The following BEAN1 variants were observed in gnomAD, a reference collection of about 807,000 sequenced individuals.
BEAN1 encodes the protein protein BEAN1.
In BEAN1, 17 loss-of-function variants were observed where a neutral mutation model predicts 17.7. The ratio of observed to expected loss-of-function variants is 0.96; its 90% CI spans 0.66 to 1.44. The LOEUF (loss-of-function observed/expected upper bound fraction) is 1.44. Among genes scored for constraint, BEAN1 ranks in the 40% most tolerant of loss-of-function variants. The probability of loss-of-function intolerance (pLI) is 0.00; values close to 1 mark genes in which losing one functional copy is unlikely to be tolerated. For missense variants in BEAN1, 359 were observed against 374.1 expected (o/e 0.96, Z 0.33); for synonymous variants, 142 against 151.8 (o/e 0.94, Z 0.47).
At chr16:66,456,503 C>T (rs986916012) in intron 2 of BEAN1, among the ~76,000 whole-genome samples, 1 of 152,248 alleles carries the variant, frequency 6.6e-6, no homozygotes, top group South Asian at 2.1e-4. Flanking sequence ...AGCCTCTGGG[C>T]TCTTTGTGGA....
Position 66,469,654 on chromosome 16 carries a change from G to A in BEAN1, c.78G>A (p.Ser26=), listed in dbSNP as rs1164808413. ...SYFYPTFSES[S]EHSHLLVSPV... is the part of the protein sequence containing the mutation. ...TCTACCCCACATTCTCAGAGAGCTC[G>A]GAGCACAGCCATCTGCTCGTGTCCC... is the stretch of plus-strand genomic sequence containing the variant. Residue 26 remains serine, a synonymous_variant, in exon 3 of 5, where the codon TCG becomes TCA. Coordinates refer to ENST00000536005, the MANE Select transcript of BEAN1 (RefSeq NM_001178020.3). The A allele has an allele frequency of 1.6e-5, 24 of 1,535,956 alleles. No individual in the cohort carries two copies. Among genetic ancestry groups the A allele is most frequent in the Middle Eastern group, 1.7e-4 (1 of 5,988 alleles).
rs903508970 is a variant in BEAN1 at position 66,427,581 on chromosome 16, CCGGAACGGAACCGCAGCGCGCT to C, written c.-83+160_-83+181del. On this transcript the variant is annotated intron_variant, in intron 1 of 4. Coordinates refer to ENST00000536005, the MANE Select transcript of BEAN1 (RefSeq NM_001178020.3). The surrounding 1 kb of genome is among the most constrained non-coding windows in gnomAD (Gnocchi z 4.7). ...TGCGCGGGGCGGGCGGATGCGCGGTCCGGAACGGAACCGCAGCGCGCTCGGAACGGAGCGGGATCCCGGGTCT... is the reference window on the plus strand; with the variant it reads ...TGCGCGGGGCGGGCGGATGCGCGGTCCGGAACGGAGCGGGATCCCGGGTCT... 32 of 152,164 alleles carry C rather than the reference CCGGAACGGAACCGCAGCGCGCT, an allele frequency of 2.1e-4. No homozygotes were observed. Among genetic ancestry groups the C allele is most frequent in the Middle Eastern group, 6.8e-3 (2 of 294 alleles). 9.4% of individuals were successfully genotyped at this position (152,164 alleles called of 1,614,324 possible). A position where few individuals can be genotyped will look rare whatever the true frequency, so the allele number is the denominator to read the frequency against.
chr16:66,437,772 A>G (rs1400424041), intron 2 of BEAN1, 71 bp downstream of exon 2: 1 of 1,482,766 alleles, frequency 6.7e-7, no homozygotes, highest in Admixed American at 2.0e-5. Context: ...CGAGCTGCAG[A>G]GAACGGCTTG....
chr16:66,454,135 A>G (rs1962781050), intron 2 of BEAN1, among the ~76,000 whole-genome samples: 1 of 152,204 alleles, frequency 6.6e-6, no homozygotes, highest in South Asian at 2.1e-4. Flanking sequence ...AAATCTTTTT[A>G]AATCTATTGA....
chr16:66,429,498 T>C (rs953157796), intron 1 of BEAN1, among the ~76,000 whole-genome samples: 6 of 152,056 alleles, frequency 3.9e-5, no homozygotes, highest in African/African-American at 1.4e-4. Context: ...AAAGCAGTGG[T>C]CCAGTTCACA....
chr16:66,468,588 G>A (rs147158448), intron 2 of BEAN1, among the ~76,000 whole-genome samples: 369 of 152,320 alleles, frequency 2.4e-3, no homozygotes, highest in African/African-American at 5.8e-3. Flanking sequence ...TAGCTCTGCC[G>A]TGGAGTAACT....
chr16:66,475,768 T>C (rs1293796460), intron 3 of BEAN1: 1 of 152,174 alleles, frequency 6.6e-6, no homozygotes, highest in African/African-American at 2.4e-5. Context: ...TAATGTGTGT[T>C]CATTATAGAA....
intron 2 of BEAN1, among the ~76,000 whole-genome samples, chr16:66,460,383 C>T (rs1220611497): frequency 1.3e-5 from 2 of 152,180 alleles, no homozygotes; most frequent in African/African-American, 2.4e-5. Flanking sequence ...TCAGTGAGAG[C>T]TATCTTATCT....
chr16:66,443,357 T>C (rs566441763), intron 2 of BEAN1, among the ~76,000 whole-genome samples: 8 of 152,278 alleles, frequency 5.3e-5, no homozygotes, highest in Non-Finnish European at 1.2e-4. Context: ...ATTCCACACA[T>C]GAGGAAGCTG....
chr16:66,480,336 T>TC (rs909900736), intron 4 of BEAN1, among the ~76,000 whole-genome samples: 7 of 152,036 alleles, frequency 4.6e-5, no homozygotes, highest in African/African-American at 1.7e-4. Context: ...CCCAGGCAGC[T>TC]CAGTGTTCAT....
chr16:66,444,599 G>C (rs893703996), intron 2 of BEAN1, among the ~76,000 whole-genome samples: 10 of 152,310 alleles, frequency 6.6e-5, no homozygotes, highest in African/African-American at 2.4e-4. Context: ...GACTTGATCT[G>C]TGTCTTTCTC....
rs140008762 is a variant in BEAN1 at position 66,453,110 on chromosome 16, G to A, written c.25+15409G>A. 1.8e-4 allele frequency among the ~76,000 whole-genome samples: 28 copies of A among 152,118 alleles called. No homozygotes were observed. In the East Asian group the frequency reaches 4.8e-3, roughly 26 times the overall value. On this transcript the variant is annotated intron_variant, in intron 2 of 4. Transcript: ENST00000536005. ...GTGTTGCTTTTCTGTTTTCTAGTTCGTTGATTTCTGCTCTCATCTTTATTA... is the reference window on the plus strand; with the variant it reads ...GTGTTGCTTTTCTGTTTTCTAGTTCATTGATTTCTGCTCTCATCTTTATTA...
intron 2 of BEAN1, among the ~76,000 whole-genome samples, chr16:66,444,290 C>T (rs906047279): frequency 6.6e-6 from 1 of 152,158 alleles, no homozygotes; most frequent in Admixed American, 6.6e-5. Context: ...CTTCCCTTTC[C>T]TCATAGAGAG....
At chr16:66,492,033 T>C (rs1265278955) in intron 4 of BEAN1, among the ~76,000 whole-genome samples, 6 of 152,112 alleles carry the variant, frequency 3.9e-5, no homozygotes, top group African/African-American at 1.4e-4. Flanking sequence ...TTTGTTTTTT[T>C]GTTGTTTTTC....
chr16:66,461,107 T>C (rs1963065600), intron 2 of BEAN1, among the ~76,000 whole-genome samples: 1 of 149,362 alleles, frequency 6.7e-6, no homozygotes, highest in South Asian at 2.1e-4. Context: ...TTATAGAAAC[T>C]GCTTGGGAAG....
At chr16:66,437,517 G>A in intron 1 of BEAN1, 78 bp from the exon 2 acceptor site, 1 of 811,910 alleles carries the variant, frequency 1.2e-6, no homozygotes, top group Non-Finnish European at 1.9e-6. Flanking sequence ...GACAGCTCAG[G>A]AGATGTGAGC....
At position 66,469,773 on chromosome 16, in the gene BEAN1, G is replaced by A. The variant is rs775454473; in HGVS notation, c.197G>A (p.Arg66Gln). The A allele has an allele frequency of 2.4e-5, 37 of 1,535,950 alleles. No homozygotes were observed. The highest frequency in any genetic ancestry group is 4.9e-5 in the East Asian group (2 of 40,898). Residue 66 changes from arginine to glutamine, a missense_variant, in exon 3 of 5, where the codon CGG (arginine) becomes CAG (glutamine). Arg to Gln is a conservative substitution (Grantham distance 43). Coordinates refer to ENST00000536005, the MANE Select transcript of BEAN1 (RefSeq NM_001178020.3). ...AGCATCCGCAGGGACAGGCAGGCCC[G>A]GCTTCAGCGGCACCGCCACCGCCAC... ...VGSIRRDRQA[R>Q]LQRHRHRHHR...
intron 4 of BEAN1, among the ~76,000 whole-genome samples, chr16:66,490,284 C>T (rs1371040076): frequency 7.1e-6 from 1 of 141,178 alleles, no homozygotes; most frequent in Non-Finnish European, 1.5e-5. Flanking sequence ...GTAGTCCCAA[C>T]TACTTGGGAG....
At position 66,493,388 on chromosome 16, in the gene BEAN1, T is replaced by C. The variant is rs767675949; in HGVS notation, c.574T>C (p.Ser192Pro). The C allele has an allele frequency of 3.1e-5, 20 of 635,976 alleles. No individual in the cohort carries two copies. The African/African-American group carries it at 3.3e-4, about 10-fold the overall frequency. The allele number at this position is 635,976 out of a possible 1,614,324, so 39.4% of individuals were successfully genotyped here. A position where few individuals can be genotyped will look rare whatever the true frequency, so the allele number is the denominator to read the frequency against. The change falls in exon 5 of 5, where the codon TCT becomes CCT. Residue 192 changes from serine to proline, a missense_variant. Physicochemically the swap from Ser to Pro is moderately conservative, Grantham distance 74. Transcript: ENST00000561796. ...ATCTCTGCCCATGGCTCTGAGCCCA[T>C]CTGAGGTCTCAACAGCCCCCAACAG...
Sources: allele counts gnomAD v4.1 joint callset (sites outside exome capture counted in the v4.1 genomes callset), GRCh38; gene constraint gnomAD v4.1.1; non-coding constraint Gnocchi (gnomAD v3.1); transcripts MANE v1.5; gene names NCBI Gene and HGNC (gene_info 2026-07-23, HGNC 2026-07-21).